CTNNA3: variants seen among roughly 807,000 people sequenced by gnomAD.
CTNNA3 encodes catenin alpha-3.
In CTNNA3, 76 loss-of-function variants were observed where a neutral mutation model predicts 95.7. The observed-to-expected ratio is 0.79, with a 90% CI of 0.66 to 0.96. The LOEUF (loss-of-function observed/expected upper bound fraction) is 0.96, where lower values mean the gene tolerates loss of function less well. Among genes scored for constraint, CTNNA3 ranks in the 40% least tolerant of loss-of-function variants. CTNNA3 has a pLI of 0.00. For missense variants in CTNNA3, 1,191 were observed against 1,089.8 expected (o/e 1.09, Z -1.31); for synonymous variants, 431 against 374.4 (o/e 1.15, Z -1.74).
chr10:67,264,418 C>T (rs1589104780), intron 5 of CTNNA3, among the ~76,000 whole-genome samples: 1 of 152,144 alleles, frequency 6.6e-6, no homozygotes, highest in African/African-American at 2.4e-5. Flanking sequence ...TATCTCCAAA[C>T]AGCTATATGA....
intron 7 of CTNNA3, among the ~76,000 whole-genome samples, chr10:66,834,802 C>A (rs1340036685): frequency 6.6e-6 from 1 of 152,194 alleles, no homozygotes; most frequent in African/African-American, 2.4e-5. Flanking sequence ...CCACTAAACA[C>A]TTTAAACTGT....
chr10:66,404,946 G>A (rs898704887), intron 11 of CTNNA3, among the ~76,000 whole-genome samples: 1 of 152,170 alleles, frequency 6.6e-6, no homozygotes, highest in African/African-American at 2.4e-5. Context: ...GGGAGATGTG[G>A]GAGAAGTAAG....
intron 5 of CTNNA3, among the ~76,000 whole-genome samples, chr10:67,360,702 A>G (rs1185275006): frequency 6.6e-6 from 1 of 152,110 alleles, no homozygotes; most frequent in African/African-American, 2.4e-5. Flanking sequence ...GGCATCTTAT[A>G]TGGCAGGAGC....
At chr10:67,752,239 C>G (rs571572982) in intron 1 of CTNNA3, among the ~76,000 whole-genome samples, 1 of 152,238 alleles carries the variant, frequency 6.6e-6, no homozygotes, top group Admixed American at 6.5e-5. Flanking sequence ...ATTATCTCAA[C>G]AGACGCAGAA....
intron 7 of CTNNA3, among the ~76,000 whole-genome samples, chr10:66,934,283 G>T (rs914676439): frequency 6.6e-6 from 1 of 151,486 alleles, no homozygotes; most frequent in Admixed American, 6.6e-5. Flanking sequence ...TTATTTTTAA[G>T]GGCTCTCACT....
intron 11 of CTNNA3, among the ~76,000 whole-genome samples, chr10:66,461,542 G>C (rs1351629145): frequency 1.3e-5 from 2 of 151,882 alleles, no homozygotes; most frequent in Non-Finnish European, 2.9e-5. Context: ...CTGCTTCTTG[G>C]GTAGTGCGTC....
At chr10:66,553,720 G>A (rs1189607893) in intron 10 of CTNNA3, among the ~76,000 whole-genome samples, 2 of 151,000 alleles carry the variant, frequency 1.3e-5, no homozygotes, top group Non-Finnish European at 3.0e-5. Context: ...GTAGAGACAG[G>A]GTTTCACCTT....
At chr10:66,792,227 C>A (rs1261634046) in intron 7 of CTNNA3, among the ~76,000 whole-genome samples, 1 of 152,068 alleles carries the variant, frequency 6.6e-6, no homozygotes, top group East Asian at 1.9e-4. Context: ...TTAGAAAAGA[C>A]ATTTGAAGTT....
intron 7 of CTNNA3, among the ~76,000 whole-genome samples, chr10:67,121,904 T>A (rs143693676): frequency 1.1e-4 from 17 of 148,494 alleles, no homozygotes; most frequent in African/African-American, 4.2e-4. Context: ...CTGAATTTTT[T>A]ATGTGAAATC....
rs181248720 is a variant in CTNNA3 at position 67,739,185 on chromosome 10, C to T, written c.-2+24249G>A. 4.5e-3 allele frequency among the ~76,000 whole-genome samples: 677 copies of T among 152,126 alleles called. 6 individuals are homozygous for T. The highest frequency in any genetic ancestry group is 0.015 in the African/African-American group (629 of 41,494). ...ATGAAGGAAAAAATGGTAAGGGCAG[C>T]CAGAGAGAAAGGTTGGGTTACCCAC... On this transcript the variant is annotated intron_variant, in intron 1 of 17. Coordinates refer to the CTNNA3 transcript ENST00000684154.
chr10:66,041,957 C>T lies in CTNNA3; in HGVS notation c.2159+27351G>A, dbSNP rs144443724. Among the ~76,000 whole-genome samples, 276 of 152,324 alleles carry T rather than the reference C, an allele frequency of 1.8e-3. 1 individual carries two copies. Among genetic ancestry groups the T allele is most frequent in the African/African-American group, 6.4e-3 (266 of 41,570 alleles). ...GCTCATGTCACGCTTCTCAGCATAA[C>T]AAATAACATCCTCTACAGTGTGACC... is the stretch of plus-strand genomic sequence containing the variant. On this transcript the variant is annotated intron_variant, in intron 15 of 17. Coordinates refer to ENST00000433211, the MANE Select transcript of CTNNA3 (RefSeq NM_013266.4).
intron 10 of CTNNA3, among the ~76,000 whole-genome samples, chr10:66,554,515 C>T (rs138355657): frequency 1.3e-5 from 2 of 152,248 alleles, no homozygotes; most frequent in Admixed American, 6.5e-5. Flanking sequence ...TTTTTAATAG[C>T]TGTTACTCTT....
At chr10:66,068,436 T>C (rs1469422553) in intron 15 of CTNNA3, among the ~76,000 whole-genome samples, 4 of 152,182 alleles carry the variant, frequency 2.6e-5, no homozygotes, top group African/African-American at 4.8e-5. Context: ...TTTCATAAAC[T>C]GTTTCTCAAT....
chr10:67,561,113 G>A (rs1022337536), intron 3 of CTNNA3, among the ~76,000 whole-genome samples: 1 of 146,200 alleles, frequency 6.8e-6, no homozygotes, highest in Non-Finnish European at 1.5e-5. Context: ...TCCAGGAATT[G>A]AACTCAGCTC....
At position 67,002,997 on chromosome 10, in the gene CTNNA3, G is replaced by C. The variant is rs1393394980; in HGVS notation, c.1047+177320C>G. Among the ~76,000 whole-genome samples the C allele has an allele frequency of 3.9e-5, 6 of 152,206 alleles. No homozygotes were observed. The South Asian group carries it at 1.2e-3, about 32-fold the overall frequency. ...GAATAAAATACATTCATCAGATGCA[G>C]TATTGCTTTCACGGTAATTATGATA... On this transcript the variant is annotated intron_variant, in intron 7 of 17. Coordinates refer to ENST00000433211, the MANE Select transcript of CTNNA3 (RefSeq NM_013266.4).
chr10:66,108,596 C>T (rs6480139), intron 13 of CTNNA3, among the ~76,000 whole-genome samples: 125,519 of 152,016 alleles, frequency 0.83, 51,965 homozygotes, highest in South Asian at 0.92. Flanking sequence ...ATTATATTTT[C>T]TCTTCATTTT....
chr10:66,504,331 G>A (rs1840379199), intron 11 of CTNNA3, among the ~76,000 whole-genome samples: 1 of 152,114 alleles, frequency 6.6e-6, no homozygotes, highest in Non-Finnish European at 1.5e-5. Flanking sequence ...CACAGCACAG[G>A]CTCTGGAGCC....
At chr10:66,533,895 A>AC (rs1841555886) in intron 10 of CTNNA3, among the ~76,000 whole-genome samples, 2 of 152,114 alleles carry the variant, frequency 1.3e-5, no homozygotes, top group Non-Finnish European at 2.9e-5. Context: ...ACATAGCAAG[A>AC]CCCCATCCTT....
chr10:65,976,988 A>G (rs2078219457), intron 16 of CTNNA3, among the ~76,000 whole-genome samples: 1 of 152,198 alleles, frequency 6.6e-6, no homozygotes, highest in Non-Finnish European at 1.5e-5. Flanking sequence ...ATTTTTACAA[A>G]AAAAATTAAA....
Sources: gnomAD v4.1 joint callset for allele counts (sites outside exome capture counted in the v4.1 genomes callset) on GRCh38, gnomAD v4.1.1 for gene constraint, MANE v1.5 for transcripts, NCBI Gene and HGNC (gene_info 2026-07-23, HGNC 2026-07-21) for gene names.